The following MCM8 variants were observed in gnomAD, a reference collection of about 807,000 sequenced individuals.
MCM8 encodes minichromosome maintenance 8 homologous recombination repair factor.
Under a neutral mutation model 98.9 loss-of-function variants are expected in MCM8, and 85 were observed. The ratio of observed to expected loss-of-function variants is 0.86; its 90% CI spans 0.72 to 1.03. The LOEUF (loss-of-function observed/expected upper bound fraction) is 1.03, where lower values mean the gene tolerates loss of function less well. Ranked by LOEUF, MCM8 falls within the 50% of genes least tolerant of loss-of-function variation. The pLI, the probability that MCM8 is intolerant of heterozygous loss-of-function variation, is 0.00. For synonymous variants in MCM8, 352 were observed against 338.6 expected, an observed-to-expected ratio of 1.04 and a Z score of -0.44; for missense variants, 951 against 997.8, an observed-to-expected ratio of 0.95 and a Z score of 0.63.
chr20:5,972,188 T>C lies in MCM8; in HGVS notation c.1254+151T>C, dbSNP rs2089418797. The C allele has an allele frequency of 7.9e-6, 4 of 504,138 alleles. No individual in the cohort carries two copies. The East Asian group carries it at 1.5e-4, about 19-fold the overall frequency. The allele number at this position is 504,138 out of a possible 1,614,324, so 31.2% of individuals were successfully genotyped here. On this transcript the variant is annotated intron_variant, in intron 11 of 18. Transcript: ENST00000610722. ...TTAATGATATGGGAGGCAAGCAAAC[T>C]ATAGCTTTTTTTTTTTTAATTTTTT...
rs1219832132 is a variant in MCM8 at position 5,963,374 on chromosome 20, T to G, written c.875+15T>G. On this transcript the variant is annotated intron_variant, in intron 8 of 18. Transcript: ENST00000610722. ...CAGTCAATCAAGTAAGCGATCAGAC[T>G]GTTACATAAAAGGCAGGCTTTAGAT... 2 of 1,605,020 alleles carry G rather than the reference T, an allele frequency of 1.2e-6. No individual in the cohort carries two copies. Among genetic ancestry groups the G allele is most frequent in the Non-Finnish European group, 1.7e-6 (2 of 1,172,242 alleles).
chr20:5,962,529 C>T (rs1486556675), intron 7 of MCM8, among the ~76,000 whole-genome samples: 4 of 106,316 alleles, frequency 3.8e-5, no homozygotes, highest in Non-Finnish European at 6.5e-5. Context: ...CGCCCGCCAC[C>T]GCGCCCGGCT....
chr20:5,966,842 T>C (rs2089285039), intron 8 of MCM8, among the ~76,000 whole-genome samples: 1 of 152,242 alleles, frequency 6.6e-6, no homozygotes, highest in South Asian at 2.1e-4. Context: ...GGGATGGGTT[T>C]GTTTCCTTAG....
At chr20:5,975,571 A>T (rs2089493091) in intron 12 of MCM8, among the ~76,000 whole-genome samples, 1 of 143,494 alleles carries the variant, frequency 7.0e-6, no homozygotes, top group Non-Finnish European at 1.5e-5. Flanking sequence ...ATCTTGGCTC[A>T]CTGCAAGCTC....
rs71334371 is a variant in MCM8, at chr20:5,997,185, C to CT, written c.*2810dup. ...GAAAGTTTCTTTTTTTTTCTTTTTT[C>CT]TTTTTTTTTTTTTTTTGAGACAGAG... On this transcript the variant is annotated 3_prime_UTR_variant, in exon 19 of 19. Coordinates refer to ENST00000610722, the MANE Select transcript of MCM8 (RefSeq NM_032485.6). The CT allele has an allele frequency of 0.21, 28,045 of 134,788 alleles. 4,128 individuals are homozygous for CT. Among genetic ancestry groups the CT allele is most frequent in the African/African-American group, 0.42 (14,887 of 35,044 alleles). The allele number at this position is 134,788 out of a possible 1,614,324, so 8.3% of individuals were successfully genotyped here.
intron 14 of MCM8, 57 bp downstream of exon 14, chr20:5,983,222 G>A (rs1245742904): frequency 2.1e-6 from 3 of 1,398,144 alleles, no homozygotes; most frequent in East Asian, 2.5e-5. Flanking sequence ...AATTCAATAA[G>A]AAAAAGAAAT....
Position 5,958,552 on chromosome 20 carries a change from A to G in MCM8, c.615A>G (p.Thr205=), listed in dbSNP as rs369993722. ...GGGTGTACAACTATGAGCCTTTGACACAGCTCAAGAATGTCAGAGCAAATT... is the reference window on the plus strand; with the variant it reads ...GGGTGTACAACTATGAGCCTTTGACGCAGCTCAAGAATGTCAGAGCAAATT... ...HARVYNYEPL[T]QLKNVRANYY... is the part of the protein sequence containing the mutation. Residue 205 remains threonine (T), a synonymous_variant, in exon 7 of 19, where the codon ACA becomes ACG. Coordinates refer to ENST00000610722, the MANE Select transcript of MCM8 (RefSeq NM_032485.6). 1.2e-6 allele frequency: 2 copies of G among 1,613,982 alleles called. No homozygotes were observed. The highest frequency in any genetic ancestry group is 1.7e-6 in the Non-Finnish European group (2 of 1,179,976).
chr20:5,964,311 A>G (rs2085808161), intron 8 of MCM8, among the ~76,000 whole-genome samples: 1 of 152,196 alleles, frequency 6.6e-6, no homozygotes, highest in Non-Finnish European at 1.5e-5. Flanking sequence ...AACCTAGGGA[A>G]AAGATAAGAT....
intron 7 of MCM8, 84 bp from the exon 8 acceptor site, chr20:5,963,189 TA>T (rs1365621368): frequency 1.9e-5 from 19 of 1,021,068 alleles, no homozygotes; most frequent in Non-Finnish European, 2.9e-5. Context: ...AAAACAATAT[TA>T]AATGAAATGT....
intron 18 of MCM8, 105 bp downstream of exon 18, chr20:5,993,800 C>A: frequency 3.2e-6 from 3 of 938,616 alleles, no homozygotes; most frequent in South Asian, 4.3e-5. Flanking sequence ...ATACCTGCTT[C>A]TTCTCAAAGG....
intron 10 of MCM8, among the ~76,000 whole-genome samples, chr20:5,968,263 A>C (rs1406928826): frequency 6.6e-6 from 1 of 152,206 alleles, no homozygotes; most frequent in Non-Finnish European, 1.5e-5. Flanking sequence ...TTCAGATTTC[A>C]ACTGGATATG....
Position 5,994,259 on chromosome 20 carries a change from T to G in MCM8, c.2431-40T>G, listed in dbSNP as rs1244435492. On this transcript the variant is annotated intron_variant, in intron 18 of 18. Transcript: ENST00000610722. ...TTATTTTAAAAGTAATATTTTGACA[T>G]GTTACTTAATGGGCTAAACCTTTTG... 3.4e-6 allele frequency: 4 copies of G among 1,162,200 alleles called. No homozygotes were observed. The East Asian group carries it at 9.9e-5, about 29-fold the overall frequency. The allele number at this position is 1,162,200 out of a possible 1,614,324, so 72.0% of individuals were successfully genotyped here. A position where few individuals can be genotyped will look rare whatever the true frequency, so the allele number is the denominator to read the frequency against.
At chr20:5,970,744 C>T (rs2089385464) in intron 10 of MCM8, among the ~76,000 whole-genome samples, 1 of 152,220 alleles carries the variant, frequency 6.6e-6, no homozygotes, top group South Asian at 2.1e-4. Flanking sequence ...TTTTCTCTCC[C>T]ACCCTATTTT....
chr20:5,973,443 T>C (rs1445495260), intron 12 of MCM8, among the ~76,000 whole-genome samples: 2 of 152,240 alleles, frequency 1.3e-5, no homozygotes, highest in African/African-American at 4.8e-5. Context: ...TTAGGAAATA[T>C]TAACCATTTC....
intron 6 of MCM8, among the ~76,000 whole-genome samples, chr20:5,958,219 A>G (rs1040021018): frequency 2.0e-4 from 30 of 152,314 alleles, no homozygotes; most frequent in African/African-American, 7.2e-4. Context: ...AAATACAAAA[A>G]TTAGCTGGGT....
chr20:5,956,859 G>A (rs2088997173), intron 5 of MCM8, among the ~76,000 whole-genome samples: 2 of 151,890 alleles, frequency 1.3e-5, no homozygotes, highest in African/African-American at 4.8e-5. Flanking sequence ...ACTAATGTAA[G>A]GGCTTTTAAT....
chr20:5,965,811 C>T (rs557725596), intron 8 of MCM8, among the ~76,000 whole-genome samples: 2 of 152,198 alleles, frequency 1.3e-5, no homozygotes, highest in South Asian at 2.1e-4. Flanking sequence ...CCATAATTTT[C>T]CATTCTCTCT....
Position 5,993,533 on chromosome 20 carries a change from T to A in MCM8, c.2268T>A (p.Phe756Leu), listed in dbSNP as rs369848203. 10 of 1,577,136 alleles carry A rather than the reference T, an allele frequency of 6.3e-6. No individual in the cohort carries two copies. The highest frequency in any genetic ancestry group is 8.6e-6 in the Non-Finnish European group (10 of 1,157,586). ...YSMLGTYSDE[F>L]GNLDFERSQH... ...TGCTAGGAACTTACTCTGATGAATT[T>A]GGGAACCTAGATTTTGAGCGATCCC... The change falls in exon 18 of 19, where the codon TTT becomes TTA. Residue 756 changes from phenylalanine to leucine, a missense_variant. Phe to Leu is a conservative substitution (Grantham distance 22, BLOSUM62 0). Coordinates refer to ENST00000610722, the MANE Select transcript of MCM8 (RefSeq NM_032485.6).
At chr20:5,981,455 C>T (rs1294701224) in intron 13 of MCM8, among the ~76,000 whole-genome samples, 4 of 152,190 alleles carry the variant, frequency 2.6e-5, no homozygotes, top group African/African-American at 9.7e-5. Context: ...GGTGAACTCT[C>T]AGAAGAGATC....
Sources: allele counts gnomAD v4.1 joint callset (sites outside exome capture counted in the v4.1 genomes callset), GRCh38; gene constraint gnomAD v4.1.1; transcripts MANE v1.5; gene names NCBI Gene and HGNC (gene_info 2026-07-23, HGNC 2026-07-21).